ZRANB3: variants seen among roughly 807,000 people sequenced by gnomAD.
The protein encoded by ZRANB3 is zinc finger RANBP2-type containing 3, also known as DNA annealing helicase and endonuclease ZRANB3.
ZRANB3 carries 125 observed loss-of-function variants against 133.8 expected under a neutral mutation model. The ratio of observed to expected loss-of-function variants is 0.93; its 90% CI spans 0.81 to 1.08. The LOEUF is 1.08. Ranked by LOEUF, ZRANB3 falls within the 50% of genes least tolerant of loss-of-function variation. The pLI is 0.00. For missense variants in ZRANB3, 1,229 were observed against 1,275.5 expected, an observed-to-expected ratio of 0.96 and a Z score of 0.56; for synonymous variants, 387 against 432.7, an observed-to-expected ratio of 0.89 and a Z score of 1.31.
intron 1 of ZRANB3, among the ~76,000 whole-genome samples, chr2:135,524,081 G>A (rs1017882955): frequency 1.3e-5 from 2 of 151,874 alleles, no homozygotes; most frequent in Non-Finnish European, 2.9e-5. Context: ...CATTTTGGTC[G>A]AATTCTTTTT....
At chr2:135,336,658 A>G (rs960469007) in intron 6 of ZRANB3, among the ~76,000 whole-genome samples, 6 of 152,200 alleles carry the variant, frequency 3.9e-5, no homozygotes, top group African/African-American at 1.4e-4. Flanking sequence ...GTCCTCCACA[A>G]TCATAAAGCA....
intron 2 of ZRANB3, among the ~76,000 whole-genome samples, chr2:135,431,749 A>C (rs1689331874): frequency 1.3e-5 from 2 of 152,308 alleles, no homozygotes; most frequent in East Asian, 3.9e-4. Flanking sequence ...TTAAAACCAT[A>C]GTGAAATACC....
intron 1 of ZRANB3, among the ~76,000 whole-genome samples, chr2:135,509,722 AG>A (rs1444276447): frequency 1.3e-5 from 2 of 152,212 alleles, no homozygotes; most frequent in Non-Finnish European, 2.9e-5. Context: ...GTTGCATTCT[AG>A]ACATTTAAAA....
At chr2:135,514,609 T>C (rs1693621054) in intron 1 of ZRANB3, among the ~76,000 whole-genome samples, 2 of 152,154 alleles carry the variant, frequency 1.3e-5, no homozygotes, top group African/African-American at 2.4e-5. Flanking sequence ...ACTTCCTCTC[T>C]TCCTATCCGA....
At chr2:135,202,555 G>A (rs1693667565) in intron 20 of ZRANB3, 1 of 223,392 alleles carries the variant, frequency 4.5e-6, no homozygotes. Context: ...TGAGGATCCG[G>A]GTCTCATCAA....
intron 2 of ZRANB3, among the ~76,000 whole-genome samples, chr2:135,477,606 G>C (rs966918404): frequency 6.6e-6 from 1 of 152,182 alleles, no homozygotes; most frequent in South Asian, 2.1e-4. Flanking sequence ...CTTAACCTTA[G>C]ACCTCTGAAA....
chr2:135,398,077 A>T (rs1226993877), intron 2 of ZRANB3, among the ~76,000 whole-genome samples: 2 of 151,538 alleles, frequency 1.3e-5, no homozygotes, highest in African/African-American at 2.4e-5. Flanking sequence ...TTATTTATTT[A>T]TTTTTTGAGA....
At chr2:135,295,022 T>A (rs1310378430) in intron 8 of ZRANB3, among the ~76,000 whole-genome samples, 1 of 152,174 alleles carries the variant, frequency 6.6e-6, no homozygotes, top group African/African-American at 2.4e-5. Flanking sequence ...TCTAACTATG[T>A]GGTTAATTTT....
chr2:135,352,208 T>A (rs1312592744), intron 4 of ZRANB3, among the ~76,000 whole-genome samples: 2 of 151,842 alleles, frequency 1.3e-5, no homozygotes, highest in Non-Finnish European at 2.9e-5. Flanking sequence ...TGGTGGTGCC[T>A]GTAATCCCAG....
At chr2:135,281,495 T>C (rs186279157) in intron 8 of ZRANB3, among the ~76,000 whole-genome samples, 20 of 152,214 alleles carry the variant, frequency 1.3e-4, no homozygotes, top group Admixed American at 2.0e-4. Flanking sequence ...CAAAAAAACA[T>C]CCTCCCTGAC....
chr2:135,403,388 C>CGGCA (rs1687836873), intron 2 of ZRANB3, among the ~76,000 whole-genome samples: 1 of 152,168 alleles, frequency 6.6e-6, no homozygotes, highest in African/African-American at 2.4e-5. Context: ...AACTGGAAGG[C>CGGCA]GGCAGCAAGG....
intron 8 of ZRANB3, among the ~76,000 whole-genome samples, chr2:135,286,123 A>G (rs1219240602): frequency 6.6e-6 from 1 of 151,932 alleles, no homozygotes; most frequent in African/African-American, 2.4e-5. Context: ...GTTTGGTTAC[A>G]TGGATATGTT....
At chr2:135,260,315 C>A (rs1679893848) in intron 12 of ZRANB3, among the ~76,000 whole-genome samples, 1 of 152,074 alleles carries the variant, frequency 6.6e-6, no homozygotes, top group African/African-American at 2.4e-5. Flanking sequence ...TAGGCAGTGA[C>A]CCTGGTGATG....
intron 2 of ZRANB3, among the ~76,000 whole-genome samples, chr2:135,432,866 T>C (rs531175328): frequency 6.6e-6 from 1 of 152,326 alleles, no homozygotes; most frequent in South Asian, 2.1e-4. Context: ...TCTGTCACTG[T>C]TCCAAGTGAA....
At chr2:135,286,249 A>AG (rs1436106554) in intron 8 of ZRANB3, among the ~76,000 whole-genome samples, 3 of 152,052 alleles carry the variant, frequency 2.0e-5, no homozygotes, top group Non-Finnish European at 4.4e-5. Flanking sequence ...AAGTTCCCAA[A>AG]GTCCCATTGT....
intron 12 of ZRANB3, among the ~76,000 whole-genome samples, chr2:135,237,571 G>C (rs1256724884): frequency 6.6e-6 from 1 of 151,414 alleles, no homozygotes. Context: ...ACTGGATTAA[G>C]AAAATGTGGC....
intron 6 of ZRANB3, among the ~76,000 whole-genome samples, chr2:135,316,570 G>A (rs898792910): frequency 6.6e-6 from 1 of 152,152 alleles, no homozygotes; most frequent in Non-Finnish European, 1.5e-5. Flanking sequence ...AATACTGGGT[G>A]TATTTTAGCA....
At chr2:135,426,083 GAAGA>G (rs973475706) in intron 2 of ZRANB3, among the ~76,000 whole-genome samples, 16 of 152,002 alleles carry the variant, frequency 1.1e-4, no homozygotes, top group African/African-American at 3.9e-4. Flanking sequence ...AGAAAACGTA[GAAGA>G]AATAGATAAA....
At chr2:135,351,180 T>C (rs1291586060) in intron 4 of ZRANB3, among the ~76,000 whole-genome samples, 2 of 151,928 alleles carry the variant, frequency 1.3e-5, no homozygotes, top group Admixed American at 1.3e-4. Context: ...ACAGAAAAGG[T>C]AGAGCTCCTA....
Sources: allele counts gnomAD v4.1 joint callset (sites outside exome capture counted in the v4.1 genomes callset), GRCh38; gene constraint gnomAD v4.1.1; transcripts MANE v1.5; gene names NCBI Gene and HGNC (gene_info 2026-07-23, HGNC 2026-07-21).